Variants in APBB2 observed in about 807,000 individuals in gnomAD.
APBB2 encodes Fe65-like 1.
Under a neutral mutation model 82.5 loss-of-function variants are expected in APBB2, and 38 were observed. That is an observed-to-expected ratio of 0.46 (90% CI 0.36 to 0.60). The LOEUF (loss-of-function observed/expected upper bound fraction) is 0.60. APBB2 is among the 20% of genes least tolerant of loss of function. The pLI, the probability that APBB2 is intolerant of heterozygous loss-of-function variation, is 0.00. For synonymous variants in APBB2, 341 were observed against 368.2 expected, an observed-to-expected ratio of 0.93 and a Z score of 0.85; for missense variants, 772 against 972.3, an observed-to-expected ratio of 0.79 and a Z score of 2.74.
chr4:41,197,737 C>T, intron 1 of APBB2, among the ~76,000 whole-genome samples: 1 of 152,162 alleles, frequency 6.6e-6, no homozygotes, highest in Non-Finnish European at 1.5e-5. Context: ...TCCTGATACT[C>T]CTAGGAGATT....
At chr4:41,002,223 G>A (rs2154421179) in intron 6 of APBB2, among the ~76,000 whole-genome samples, 1 of 152,290 alleles carries the variant, frequency 6.6e-6, no homozygotes, top group African/African-American at 2.4e-5. Context: ...CAAAATTTAT[G>A]AACCACCCAC....
intron 3 of APBB2, among the ~76,000 whole-genome samples, chr4:41,080,237 C>G (rs2153930381): frequency 6.6e-6 from 1 of 152,318 alleles, no homozygotes; most frequent in South Asian, 2.1e-4. Flanking sequence ...ACATTTAGTT[C>G]CCAGTCTGAG....
At chr4:40,950,632 G>C (rs1789857069) in intron 6 of APBB2, among the ~76,000 whole-genome samples, 1 of 152,148 alleles carries the variant, frequency 6.6e-6, no homozygotes, top group Non-Finnish European at 1.5e-5. Context: ...TGGATCACGA[G>C]GTCAGGGATT....
chr4:40,931,277 C>T (rs555584658), intron 10 of APBB2, among the ~76,000 whole-genome samples: 1 of 152,270 alleles, frequency 6.6e-6, no homozygotes, highest in African/African-American at 2.4e-5. Flanking sequence ...GATGGAAGCT[C>T]CTCCAATGTG....
In APBB2 at chr4:40,974,947, T is replaced by C. The variant is rs191706977; in HGVS notation, c.836-29874A>G. Reference sequence around the variant, plus strand: ...ACTTACATACCCCTTTTATCCCAAATGTGCAGAATATTCTCCAATTTCTGC... The same window carrying C: ...ACTTACATACCCCTTTTATCCCAAACGTGCAGAATATTCTCCAATTTCTGC... On this transcript the variant is annotated intron_variant, in intron 6 of 17. Transcript: ENST00000508593. 2.1e-3 allele frequency among the ~76,000 whole-genome samples: 326 copies of C among 152,354 alleles called. 1 individual carries two copies. Among genetic ancestry groups the C allele is most frequent in the African/African-American group, 7.3e-3 (305 of 41,586 alleles).
intron 12 of APBB2, among the ~76,000 whole-genome samples, chr4:40,833,288 G>A (rs1441879436): frequency 6.6e-6 from 1 of 152,194 alleles, no homozygotes; most frequent in Non-Finnish European, 1.5e-5. Context: ...GATTTTAAGA[G>A]TTCCAAAATT....
chr4:41,209,184 T>C (rs999937664), intron 1 of APBB2, among the ~76,000 whole-genome samples: 1 of 152,132 alleles, frequency 6.6e-6, no homozygotes, highest in Non-Finnish European at 1.5e-5. Flanking sequence ...TCACTCTCCC[T>C]TTATTAAAAA....
chr4:41,030,048 C>G (rs113895647), intron 5 of APBB2, among the ~76,000 whole-genome samples: 13,669 of 152,024 alleles, frequency 0.09, 734 homozygotes, highest in Admixed American at 0.15. Flanking sequence ...CCCAGCTACT[C>G]GGGAGGCTGA....
rs761323237 is a variant in APBB2, at chr4:41,013,699, CCT to C, written c.717_718del (p.Ala241GlnfsTer17). On this transcript the variant is annotated frameshift_variant, in exon 6 of 18. Transcript: ENST00000508593. LOFTEE classifies it high-confidence loss of function. Reference sequence around the variant, plus strand: ...GTGCAGTGCACAGTCGGTTTTGGCCCCTGTTTTCGGATGATCCTTCTTGGTTT... The same window carrying C: ...GTGCAGTGCACAGTCGGTTTTGGCCCGTTTTCGGATGATCCTTCTTGGTTT... The C allele has an allele frequency of 8.7e-6, 14 of 1,614,164 alleles. No homozygotes were observed. The highest frequency in any genetic ancestry group is 1.6e-4 in the Middle Eastern group (1 of 6,062).
At chr4:41,188,146 G>A (rs934412071) in intron 1 of APBB2, among the ~76,000 whole-genome samples, 1 of 152,176 alleles carries the variant, frequency 6.6e-6, no homozygotes, top group Admixed American at 6.5e-5. Context: ...AGGTTGGCTT[G>A]TAGAAAAGAA....
chr4:40,945,036 T>C lies in APBB2; in HGVS notation c.873A>G (p.Pro291=), dbSNP rs1787994238. ...IWSDHSFQTD[P]DLPPGWKRVS... ...CTCTTTTCCAGCCAGGCGGCAAATC[T>C]GGATCAGTCTGAAATGAGTGATCAC... The change falls in exon 7 of 18, where the codon CCA becomes CCG. Residue 291 remains proline (P), a synonymous_variant. Coordinates refer to ENST00000508593, the MANE Select transcript of APBB2 (RefSeq NM_004307.2). 1 of 1,499,054 alleles carries C rather than the reference T, an allele frequency of 6.7e-7. No individual in the cohort carries two copies. The highest frequency in any genetic ancestry group is 8.9e-7 in the Non-Finnish European group (1 of 1,117,402). The allele number at this position is 1,499,054 out of a possible 1,614,324, so 92.9% of individuals were successfully genotyped here.
intron 12 of APBB2, among the ~76,000 whole-genome samples, chr4:40,861,245 G>A (rs1438968333): frequency 6.6e-6 from 1 of 152,156 alleles, no homozygotes; most frequent in Non-Finnish European, 1.5e-5. Flanking sequence ...AGTTGCTCAG[G>A]AGGCTGAGGC....
chr4:40,878,581 C>T (rs1398583799), intron 12 of APBB2, among the ~76,000 whole-genome samples: 1 of 152,154 alleles, frequency 6.6e-6, no homozygotes, highest in East Asian at 1.9e-4. Context: ...AACTCATCCT[C>T]TCCCGCCTCA....
rs150111523 is a variant in APBB2 at position 40,885,906 on chromosome 4, A to G, written c.1529+4458T>C. Among the ~76,000 whole-genome samples, 330 of 151,972 alleles carry G rather than the reference A, an allele frequency of 2.2e-3. 1 individual carries two copies. The highest frequency in any genetic ancestry group is 7.8e-3 in the African/African-American group (324 of 41,454). On this transcript the variant is annotated intron_variant, in intron 12 of 17. Transcript: ENST00000508593. ...GAGAGGGCCCAGTGTACTTGGTTTA[A>G]CTCAGTTTCCCAAGTGACTATAGAA...
At chr4:41,018,808 C>G (rs1018739074) in intron 5 of APBB2, among the ~76,000 whole-genome samples, 2 of 152,152 alleles carry the variant, frequency 1.3e-5, no homozygotes, top group African/African-American at 4.8e-5. Context: ...ATTCTCTGGC[C>G]TTAGAGTGGA....
intron 10 of APBB2, among the ~76,000 whole-genome samples, chr4:40,901,364 G>T (rs1332797339): frequency 6.6e-6 from 1 of 150,506 alleles, no homozygotes; most frequent in Non-Finnish European, 1.5e-5. Context: ...ATCTAGTTTT[G>T]TTTTTACAAT....
rs554402110 is a variant in APBB2 at position 40,826,404 on chromosome 4, T to G, written c.1733-434A>C. On this transcript the variant is annotated intron_variant, in intron 14 of 17. Coordinates refer to ENST00000508593, the MANE Select transcript of APBB2 (RefSeq NM_004307.2). This position sits in a 1 kb window ranked among gnomAD's most constrained non-coding sequence, Gnocchi z 4.5. ...TTTTTTTTAGAGACAAGAGTCTCGC[T>G]CTGTTGCCCAGGCTGGAGTGCAGTG... Among the ~76,000 whole-genome samples the G allele has an allele frequency of 1.7e-4, 25 of 151,350 alleles. No homozygotes were observed. The highest frequency in any genetic ancestry group is 1.6e-4 in the Non-Finnish European group (11 of 67,894).
chr4:41,081,881 T>C (rs947126629), intron 3 of APBB2, among the ~76,000 whole-genome samples: 13 of 152,214 alleles, frequency 8.5e-5, no homozygotes, highest in African/African-American at 3.1e-4. Context: ...TGGTGAAATA[T>C]TGTCATTCGT....
Position 40,935,761 on chromosome 4 carries a change from C to CA in APBB2, c.1045-623_1045-622insT, listed in dbSNP as rs1052123019. 2.0e-5 allele frequency: 3 copies of CA among 146,556 alleles called. No individual in the cohort carries two copies. The Admixed American group carries it at 2.1e-4, about 10-fold the overall frequency. The allele number at this position is 146,556 out of a possible 1,614,324, so 9.1% of individuals were successfully genotyped here. Reference sequence around the variant, plus strand: ...ATTTCTCTAATTCATAAAAGCTCTACTTTTTTTTTTTTGCTTCAAAAGCTT... The same window carrying CA: ...ATTTCTCTAATTCATAAAAGCTCTACATTTTTTTTTTTTGCTTCAAAAGCTT... On this transcript the variant is annotated intron_variant, in intron 7 of 17. Transcript: ENST00000508593.
Sources: gnomAD v4.1 joint callset for allele counts (sites outside exome capture counted in the v4.1 genomes callset) on GRCh38, gnomAD v4.1.1 for gene constraint, Gnocchi (gnomAD v3.1) non-coding constraint, MANE v1.5 for transcripts, NCBI Gene and HGNC (gene_info 2026-07-23, HGNC 2026-07-21) for gene names.